Variants in MYO1F observed in about 807,000 individuals in gnomAD.
MYO1F encodes the protein myosin IF.
MYO1F carries 60 observed loss-of-function variants against 146.6 expected under a neutral mutation model. The ratio of observed to expected loss-of-function variants is 0.41; its 90% CI spans 0.33 to 0.51. The LOEUF is 0.51. MYO1F is among the 20% of genes least tolerant of loss of function. The pLI is 0.25. For missense variants in MYO1F, 1,274 were observed against 1,534.3 expected, an observed-to-expected ratio of 0.83 and a Z score of 2.83; for synonymous variants, 602 against 602.1, an observed-to-expected ratio of 1.00 and a Z score of 0.00.
chr19:8,553,334 G>C lies in MYO1F; in HGVS notation c.414+16C>G, dbSNP rs1277748540. On this transcript the variant is annotated intron_variant, in intron 5 of 27. Transcript: ENST00000644032. ...TGAGGGCGACCCAGCTTATCCTTCT[G>C]TTTTCCTCGTCTCACCTGGACCTTC... 2.5e-6 allele frequency: 4 copies of C among 1,613,654 alleles called. No individual in the cohort carries two copies. In the African/African-American group the frequency reaches 5.3e-5, roughly 22 times the overall value.
Position 8,526,484 on chromosome 19 carries a change from G to A in MYO1F, c.2739C>T (p.Val913=), listed in dbSNP as rs553867640. ...VLKVGGRTLT[V]SVGDGLPKSS... is the part of the protein sequence containing the mutation. ...TCTTGGGCAGCCCATCGCCCACGCT[G>A]ACCGTGAGGGTCCGACCGCCAACCT... Residue 913 remains valine, a synonymous_variant, in exon 24 of 28, where the codon GTC becomes GTT. Transcript: ENST00000644032. 3 of 1,567,194 alleles carry A rather than the reference G, an allele frequency of 1.9e-6. No homozygotes were observed. The South Asian group carries it at 3.5e-5, about 18-fold the overall frequency.
At chr19:8,576,242 A>G (rs553441362) in intron 1 of MYO1F, among the ~76,000 whole-genome samples, 61 of 152,080 alleles carry the variant, frequency 4.0e-4, no homozygotes, top group African/African-American at 1.2e-3. Context: ...CAAGTGATCT[A>G]CCTGTCTCAG....
intron 1 of MYO1F, among the ~76,000 whole-genome samples, chr19:8,574,542 T>C (rs1382719619): frequency 1.5e-5 from 1 of 68,618 alleles, no homozygotes; most frequent in African/African-American, 7.1e-5. Context: ...TTTCTTTCTT[T>C]CTTTCTTTCT....
intron 1 of MYO1F, among the ~76,000 whole-genome samples, chr19:8,562,295 C>G (rs141996403): frequency 1.3e-5 from 2 of 151,906 alleles, no homozygotes; most frequent in African/African-American, 4.8e-5. Context: ...GCCACCGCAC[C>G]GGCCCTTCCT....
At chr19:8,533,564 A>C (rs1290910627) in intron 19 of MYO1F, among the ~76,000 whole-genome samples, 1 of 150,928 alleles carries the variant, frequency 6.6e-6, no homozygotes, top group East Asian at 2.0e-4. Flanking sequence ...TTGCTGTGTT[A>C]GCCAGGGTGG....
In MYO1F at chr19:8,554,735, G is replaced by T. The variant is rs759632182; in HGVS notation, c.150C>A (p.Ile50=). ...RFMDDYIFTY[I]GSVLISVNPF... is the part of the protein sequence containing the mutation. ...GGTTTACAGAGATGAGCACAGAGCC[G>T]ATGTAGGTCTGAGGGATGGTTAAGG... Residue 50 remains isoleucine, a synonymous_variant, in exon 3 of 28, where the codon ATC becomes ATA. Coordinates refer to ENST00000644032, the MANE Select transcript of MYO1F (RefSeq NM_012335.4). The T allele has an allele frequency of 6.2e-7, 1 of 1,613,804 alleles. No homozygotes were observed. Among genetic ancestry groups the T allele is most frequent in the African/African-American group, 1.3e-5 (1 of 74,870 alleles).
Position 8,527,336 on chromosome 19 carries a change from A to T in MYO1F, c.2474+2T>A. 1 of 1,613,980 alleles carries T rather than the reference A, an allele frequency of 6.2e-7. No individual in the cohort carries two copies. Among genetic ancestry groups the T allele is most frequent in the Non-Finnish European group, 8.5e-7 (1 of 1,179,976 alleles). ...GTGCGGCAGGTAAGGACCTGGCTTCACCTGAGGGAGACTCCCCGCAGAGCC... is the reference window on the plus strand; with the variant it reads ...GTGCGGCAGGTAAGGACCTGGCTTCTCCTGAGGGAGACTCCCCGCAGAGCC... On this transcript the variant is annotated splice_donor_variant, in intron 22 of 27. Transcript: ENST00000644032. LOFTEE classifies it high-confidence loss of function.
In MYO1F at chr19:8,527,388, T is replaced by G; in HGVS notation, c.2424A>C (p.Glu808Asp). ...GGATGTCCACTTTCTTCTTCAAGACTTCACACACCTGGCCCTTCTCAGGTC... is the reference window on the plus strand; with the variant it reads ...GGATGTCCACTTTCTTCTTCAAGACGTCACACACCTGGCCCTTCTCAGGTC... ...KKGPEKGQVC[E>D]VLKKKVDIQA... is the part of the protein sequence containing the mutation. Residue 808 changes from glutamate (E) to aspartate (D), a missense_variant, in exon 22 of 28, where the codon GAA becomes GAC. Physicochemically the swap from Glu to Asp is conservative, Grantham distance 45. This residue lies in a region of MYO1F where 900 missense variants were observed against 1,155.1 expected (regional missense o/e 0.78). Coordinates refer to ENST00000644032, the MANE Select transcript of MYO1F (RefSeq NM_012335.4). 2.5e-6 allele frequency: 4 copies of G among 1,614,116 alleles called. 1 individual carries two copies. The Admixed American group carries it at 6.7e-5, about 27-fold the overall frequency.
intron 1 of MYO1F, among the ~76,000 whole-genome samples, chr19:8,568,957 C>A (rs1264407230): frequency 6.6e-6 from 1 of 151,968 alleles, no homozygotes; most frequent in Non-Finnish European, 1.5e-5. Flanking sequence ...CCATAATGAC[C>A]CTTGTGTGGG....
intron 1 of MYO1F, among the ~76,000 whole-genome samples, chr19:8,574,260 A>G (rs932307680): frequency 2.6e-5 from 4 of 152,138 alleles, no homozygotes; most frequent in Non-Finnish European, 5.9e-5. Context: ...AATGACACCA[A>G]CAACCCAGCA....
At chr19:8,571,844 G>T (rs911841402) in intron 1 of MYO1F, among the ~76,000 whole-genome samples, 2 of 151,974 alleles carry the variant, frequency 1.3e-5, no homozygotes, top group African/African-American at 4.8e-5. Context: ...TGATCTGCCC[G>T]CCTCGGCCTC....
Position 8,555,769 on chromosome 19 carries a change from TCTGCCAGTGGAAGCGCTCCTTGCTGCC to T in MYO1F, c.4_30del (p.Gly2_Gln10del). 6.2e-7 allele frequency: 1 copy of T among 1,613,790 alleles called. No individual in the cohort carries two copies. The highest frequency in any genetic ancestry group is 8.5e-7 in the Non-Finnish European group (1 of 1,180,010). On this transcript the variant is annotated inframe_deletion and splice_region_variant, in exon 2 of 28. Coordinates refer to ENST00000644032, the MANE Select transcript of MYO1F (RefSeq NM_012335.4). ...ACGCCGCTCTGCTTCACGTTGTGGC[TCTGCCAGTGGAAGCGCTCCTTGCTGCC>T]CTGGGGGGTGAGAGGGGGGTCGGGG...
At chr19:8,534,526 C>T (rs1393542654) in intron 19 of MYO1F, among the ~76,000 whole-genome samples, 11 of 151,786 alleles carry the variant, frequency 7.2e-5, no homozygotes, top group East Asian at 5.9e-4. Flanking sequence ...AGGCTGGTCT[C>T]GAACTCCTAA....
intron 19 of MYO1F, among the ~76,000 whole-genome samples, chr19:8,535,435 T>C (rs1274796566): frequency 2.6e-5 from 4 of 151,934 alleles, no homozygotes; most frequent in African/African-American, 9.7e-5. Flanking sequence ...ATTTTTCTTT[T>C]TTCTTTTTGT....
At chr19:8,560,970 C>T (rs1219741374) in intron 1 of MYO1F, among the ~76,000 whole-genome samples, 1 of 151,718 alleles carries the variant, frequency 6.6e-6, no homozygotes, top group Admixed American at 6.6e-5. Context: ...ATCTCCTGAC[C>T]TTGTGATCTG....
chr19:8,546,958 C>A (rs1037100528), intron 12 of MYO1F, among the ~76,000 whole-genome samples: 1 of 151,968 alleles, frequency 6.6e-6, no homozygotes, highest in South Asian at 2.1e-4. Context: ...GGATTACAGG[C>A]GTGAGCCACT....
In MYO1F at chr19:8,574,595, C is replaced by T. The variant is rs868990950; in HGVS notation, c.3+2712G>A. On this transcript the variant is annotated intron_variant, in intron 1 of 27. Coordinates refer to ENST00000644032, the MANE Select transcript of MYO1F (RefSeq NM_012335.4). ...TCTTTCTTTCTCTCTCTCTCTCTCT[C>T]TCTTTCTTTCTTTCTTTCTTTCTTT... 1.7e-3 allele frequency among the ~76,000 whole-genome samples: 185 copies of T among 105,868 alleles called. 3 individuals carry two copies. Among genetic ancestry groups the T allele is most frequent in the African/African-American group, 6.7e-3 (159 of 23,572 alleles). 69.5% of individuals were successfully genotyped at this position (105,868 alleles called of 152,430 possible).
intron 1 of MYO1F, among the ~76,000 whole-genome samples, chr19:8,561,021 G>A (rs915390905): frequency 3.3e-5 from 5 of 150,408 alleles, no homozygotes; most frequent in Non-Finnish European, 7.4e-5. Context: ...ATAGGTGTGA[G>A]CCACTGCGCC....
chr19:8,556,222 G>T (rs1428713407), intron 1 of MYO1F, among the ~76,000 whole-genome samples: 1 of 150,880 alleles, frequency 6.6e-6, no homozygotes, highest in Non-Finnish European at 1.5e-5. Flanking sequence ...TAGAGATGGG[G>T]TTTCACCATG....
Sources: allele counts gnomAD v4.1 joint callset (sites outside exome capture counted in the v4.1 genomes callset), GRCh38; gene constraint gnomAD v4.1.1; regional missense constraint gnomAD v4.1.1; transcripts MANE v1.5; gene names NCBI Gene and HGNC (gene_info 2026-07-23, HGNC 2026-07-21).